PDE3B: variants seen among roughly 807,000 people sequenced by gnomAD.
PDE3B encodes phosphodiesterase 3B, also known as cGMP-inhibited 3',5'-cyclic phosphodiesterase 3B.
Under a neutral mutation model 116.8 loss-of-function variants are expected in PDE3B, and 66 were observed. That is an observed-to-expected ratio of 0.56 (90% CI 0.46 to 0.69). The LOEUF is 0.69. PDE3B is among the 30% of genes least tolerant of loss of function. PDE3B has a pLI of 0.00. For missense variants in PDE3B, 1,384 were observed against 1,368.1 expected (o/e 1.01, Z -0.18); for synonymous variants, 595 against 533.6 (o/e 1.12, Z -1.59).
chr11:14,660,901 C>A (rs1853881988), intron 1 of PDE3B, among the ~76,000 whole-genome samples: 1 of 151,834 alleles, frequency 6.6e-6, no homozygotes, highest in Non-Finnish European at 1.5e-5. Context: ...TTTATGCAGC[C>A]AAAAAACACA....
chr11:14,834,929 C>T (rs932972927), intron 10 of PDE3B, 53 bp from the exon 11 acceptor site: 1 of 931,474 alleles, frequency 1.1e-6, no homozygotes, highest in African/African-American at 1.6e-5. Flanking sequence ...AATTATTGTA[C>T]TTTTTAAATG....
chr11:14,826,950 A>G (rs564959260), intron 7 of PDE3B, among the ~76,000 whole-genome samples: 69 of 152,332 alleles, frequency 4.5e-4, no homozygotes, highest in Admixed American at 1.4e-3. Flanking sequence ...ATTCAGCAGC[A>G]CATCTAAAAG....
At chr11:14,787,934 T>C (rs1374889161) in intron 3 of PDE3B, among the ~76,000 whole-genome samples, 4 of 151,868 alleles carry the variant, frequency 2.6e-5, no homozygotes, top group Non-Finnish European at 5.9e-5. Context: ...AGAAATCATA[T>C]TGATATCAGT....
At chr11:14,845,527 G>A (rs1242535696) in intron 12 of PDE3B, among the ~76,000 whole-genome samples, 2 of 152,158 alleles carry the variant, frequency 1.3e-5, no homozygotes, top group African/African-American at 4.8e-5. Flanking sequence ...GGCTTCAGAC[G>A]ATCAAATTAC....
At chr11:14,760,194 A>T (rs35972023) in intron 1 of PDE3B, among the ~76,000 whole-genome samples, 1 of 152,202 alleles carries the variant, frequency 6.6e-6, no homozygotes, top group Non-Finnish European at 1.5e-5. Context: ...GAGGACAGCC[A>T]CAAGGTTGTT....
intron 1 of PDE3B, among the ~76,000 whole-genome samples, chr11:14,684,049 C>T (rs1219383615): frequency 1.3e-5 from 2 of 152,124 alleles, no homozygotes; most frequent in African/African-American, 4.8e-5. Flanking sequence ...TTTCAATTCT[C>T]TGCATATATT....
At chr11:14,743,066 G>A (rs912099517) in intron 1 of PDE3B, among the ~76,000 whole-genome samples, 3 of 152,308 alleles carry the variant, frequency 2.0e-5, no homozygotes, top group South Asian at 2.1e-4. Context: ...TGAGGAGGCA[G>A]TCTGTCCCTT....
At chr11:14,680,674 A>T (rs1159025163) in intron 1 of PDE3B, among the ~76,000 whole-genome samples, 1 of 152,190 alleles carries the variant, frequency 6.6e-6, no homozygotes, top group African/African-American at 2.4e-5. Flanking sequence ...GTAAAAGAGT[A>T]CTCATAAATA....
chr11:14,849,847 G>A (rs1010164558), intron 12 of PDE3B, among the ~76,000 whole-genome samples: 1 of 151,818 alleles, frequency 6.6e-6, no homozygotes, highest in African/African-American at 2.4e-5. Context: ...AACAGGTGCT[G>A]GAGAGGATGT....
chr11:14,688,771 T>A (rs73412620), intron 1 of PDE3B, among the ~76,000 whole-genome samples: 20,016 of 152,024 alleles, frequency 0.13, 1,511 homozygotes, highest in African/African-American at 0.2. Flanking sequence ...GTTTTTTTGT[T>A]GTTGTTGTTG....
chr11:14,893,646 C>A, the PDE3B span, among the ~76,000 whole-genome samples: 8 of 152,142 alleles, frequency 5.3e-5, no homozygotes, highest in East Asian at 1.3e-3. Flanking sequence ...CTCTTCAAGG[C>A]CATTAATGTC....
the PDE3B span, chr11:14,891,965 C>T: frequency 1.2e-6 from 2 of 1,610,850 alleles, no homozygotes; most frequent in Non-Finnish European, 1.7e-6. Context: ...CTGCCCGGGG[C>T]CCGTCGGGGC....
chr11:14,869,014 C>G (rs1212146741), intron 15 of PDE3B, among the ~76,000 whole-genome samples: 1 of 151,454 alleles, frequency 6.6e-6, no homozygotes. Context: ...GAGCAAGACT[C>G]CGTCTCAAAA....
rs2133974122 is a variant in PDE3B at position 14,844,030 on chromosome 11, G to A, written c.2520+4G>A. On this transcript the variant is annotated splice_donor_region_variant and intron_variant, in intron 12 of 15. Coordinates refer to ENST00000282096, the MANE Select transcript of PDE3B (RefSeq NM_000922.4). ...AGTGGCTACAAATGCCCCTCAGGTA[G>A]GAAATATTTTTAAGAACCTTTAAAG... 2 of 1,609,736 alleles carry A rather than the reference G, an allele frequency of 1.2e-6. No individual in the cohort carries two copies. Among genetic ancestry groups the A allele is most frequent in the East Asian group, 4.5e-5 (2 of 44,840 alleles).
Position 14,786,667 on chromosome 11 carries a change from G to A in PDE3B, c.1260G>A (p.Gly420=), listed in dbSNP as rs760875432. 1 of 1,611,150 alleles carries A rather than the reference G, an allele frequency of 6.2e-7. No homozygotes were observed. The highest frequency in any genetic ancestry group is 1.1e-5 in the South Asian group (1 of 90,970). ...CSEIEDPAEK[G]DRKLNKGLNR... ...AAATAGAGGACCCAGCTGAGAAAGG[G>A]GATAGAAAACTTAACAAGGTCGAAA... The change falls in exon 3 of 16, where the codon GGG becomes GGA. Residue 420 remains glycine (G), a synonymous_variant. Transcript: ENST00000282096.
chr11:14,696,531 A>G (rs369529315), intron 1 of PDE3B, among the ~76,000 whole-genome samples: 2 of 152,050 alleles, frequency 1.3e-5, no homozygotes, highest in African/African-American at 4.8e-5. Flanking sequence ...TTGCATTTCT[A>G]TGGTGCTGAT....
chr11:14,689,223 TA>T (rs1301920607), intron 1 of PDE3B, among the ~76,000 whole-genome samples: 21 of 152,220 alleles, frequency 1.4e-4, no homozygotes, highest in Non-Finnish European at 4.4e-5. Context: ...CGCTGAGGGT[TA>T]AAATAAAGTT....
chr11:14,684,483 T>G (rs1341832386), intron 1 of PDE3B, among the ~76,000 whole-genome samples: 2 of 152,152 alleles, frequency 1.3e-5, no homozygotes, highest in Non-Finnish European at 2.9e-5. Context: ...AAGGGCAAAT[T>G]CAGAACTACT....
chr11:14,797,058 G>T (rs1019663125), intron 4 of PDE3B, among the ~76,000 whole-genome samples: 1 of 152,072 alleles, frequency 6.6e-6, no homozygotes, highest in Non-Finnish European at 1.5e-5. Flanking sequence ...TAAGAAAGGG[G>T]TCCAGTTTCA....
Sources: gnomAD v4.1 joint callset for allele counts (sites outside exome capture counted in the v4.1 genomes callset) on GRCh38, gnomAD v4.1.1 for gene constraint, MANE v1.5 for transcripts, NCBI Gene and HGNC (gene_info 2026-07-23, HGNC 2026-07-21) for gene names.